The following TRPC7 variants were observed in gnomAD, a reference collection of about 807,000 sequenced individuals.
TRPC7 encodes short transient receptor potential channel 7.
In TRPC7, 42 loss-of-function variants were observed where a neutral mutation model predicts 90.1. The observed-to-expected ratio is 0.47, with a 90% CI of 0.36 to 0.60. The LOEUF (loss-of-function observed/expected upper bound fraction) is 0.60. TRPC7 is among the 20% of genes least tolerant of loss of function. TRPC7 has a pLI of 0.00. For missense variants in TRPC7, 955 were observed against 1,112.3 expected (o/e 0.86, Z 2.01); for synonymous variants, 451 against 436.3 (o/e 1.03, Z -0.42).
At chr5:136,238,748 CT>C (rs1310614948) in intron 7 of TRPC7, among the ~76,000 whole-genome samples, 1 of 152,162 alleles carries the variant, frequency 6.6e-6, no homozygotes, top group Non-Finnish European at 1.5e-5. Context: ...TTCCTCAAAA[CT>C]TGGTGGTTCT....
chr5:136,360,183 C>T lies in TRPC7; in HGVS notation c.3-2798G>A, dbSNP rs148548607. On this transcript the variant is annotated intron_variant, in intron 1 of 11. Transcript: ENST00000513104. Reference sequence around the variant, plus strand: ...GCAGAGAAATATTTCACAAGGAACACGTAAGTACTCAATCTAAATTCAGAG... The same window carrying T: ...GCAGAGAAATATTTCACAAGGAACATGTAAGTACTCAATCTAAATTCAGAG... Among the ~76,000 whole-genome samples the T allele has an allele frequency of 1.9e-4, 29 of 152,232 alleles. 1 individual carries two copies. The East Asian group carries it at 4.4e-3, about 23-fold the overall frequency.
At chr5:136,359,637 T>G (rs1485530134) in intron 1 of TRPC7, among the ~76,000 whole-genome samples, 1 of 152,132 alleles carries the variant, frequency 6.6e-6, no homozygotes, top group Non-Finnish European at 1.5e-5. Flanking sequence ...ACAAATAGTG[T>G]GCAGGCACTT....
chr5:136,287,223 T>A (rs1757749578), intron 3 of TRPC7, among the ~76,000 whole-genome samples: 2 of 152,048 alleles, frequency 1.3e-5, no homozygotes, highest in Admixed American at 6.5e-5. Context: ...TCCACCTCTT[T>A]AGGAGGTGGC....
intron 3 of TRPC7, among the ~76,000 whole-genome samples, chr5:136,304,948 G>A (rs1259842635): frequency 6.6e-6 from 1 of 152,208 alleles, no homozygotes; most frequent in African/African-American, 2.4e-5. Context: ...TAGCCCTCAT[G>A]TCTGCGTACA....
At position 136,213,243 on chromosome 5, in the gene TRPC7, T is replaced by C. The variant is rs1465835055; in HGVS notation, c.*192A>G. The stretch of plus-strand genomic sequence containing the variant: ...AGCTTTTCTTACCCAACCACCTAGA[T>C]TCACAGCAGTTCTGGGTCTAGGCAG... On this transcript the variant is annotated 3_prime_UTR_variant, in exon 12 of 12. Coordinates refer to ENST00000513104, the MANE Select transcript of TRPC7 (RefSeq NM_020389.3). 3 of 608,130 alleles carry C rather than the reference T, an allele frequency of 4.9e-6. No homozygotes were observed. In the Admixed American group the frequency reaches 9.3e-5, roughly 19 times the overall value. The allele number at this position is 608,130 out of a possible 1,614,324, so 37.7% of individuals were successfully genotyped here.
At chr5:136,232,380 C>A (rs540678867) in intron 7 of TRPC7, among the ~76,000 whole-genome samples, 4 of 152,202 alleles carry the variant, frequency 2.6e-5, no homozygotes, top group Non-Finnish European at 5.9e-5. Flanking sequence ...AGCCTCATGA[C>A]CAGCTCTGTG....
chr5:136,269,152 A>G (rs1392204115), intron 4 of TRPC7, among the ~76,000 whole-genome samples: 1 of 152,210 alleles, frequency 6.6e-6, no homozygotes, highest in Non-Finnish European at 1.5e-5. Context: ...CCTGGAGTGC[A>G]GAACTGAGAA....
intron 2 of TRPC7, among the ~76,000 whole-genome samples, chr5:136,355,848 A>C (rs1760353218): frequency 6.6e-6 from 1 of 152,174 alleles, no homozygotes; most frequent in Admixed American, 6.5e-5. Context: ...GTGTGAAAAG[A>C]ATTTCATACT....
At chr5:136,265,035 A>G (rs527749533) in intron 5 of TRPC7, among the ~76,000 whole-genome samples, 2 of 152,310 alleles carry the variant, frequency 1.3e-5, no homozygotes, top group East Asian at 3.9e-4. Flanking sequence ...CAGCTTAGGC[A>G]TCCATAGGAT....
chr5:136,231,659 C>T (rs531300661), intron 7 of TRPC7, 110 bp from the exon 8 acceptor site: 22 of 1,025,084 alleles, frequency 2.1e-5, no homozygotes, highest in Non-Finnish European at 2.5e-5. Context: ...GGCTGGAGTG[C>T]AGTGGCTCAA....
At chr5:136,288,504 C>T (rs532000752) in intron 3 of TRPC7, among the ~76,000 whole-genome samples, 13 of 150,902 alleles carry the variant, frequency 8.6e-5, no homozygotes, top group East Asian at 7.9e-4. Context: ...TAACTAGTGC[C>T]GGCTATGGAG....
chr5:136,213,537 T>C lies in TRPC7; in HGVS notation c.2487A>G (p.Gln829=), dbSNP rs762992926. 5.0e-6 allele frequency: 8 copies of C among 1,613,934 alleles called. No homozygotes were observed. Among genetic ancestry groups the C allele is most frequent in the Non-Finnish European group, 6.8e-6 (8 of 1,179,902 alleles). Residue 829 remains glutamine (Q), a synonymous_variant, in exon 12 of 12, where the codon CAA becomes CAG. Transcript: ENST00000513104. ...TCAGGTCTGCCAGCTCACCAGTAGC[T>C]TGAGATTTTTCCTCAAGAAGCTCAT... The part of the protein sequence containing the change: ...LRYELLEEKS[Q]ATGELADLIQ...
intron 5 of TRPC7, among the ~76,000 whole-genome samples, chr5:136,260,095 G>A (rs1253112297): frequency 6.6e-6 from 1 of 152,170 alleles, no homozygotes; most frequent in Non-Finnish European, 1.5e-5. Flanking sequence ...CAACCTACAT[G>A]CCCCATAGGA....
intron 2 of TRPC7, among the ~76,000 whole-genome samples, chr5:136,320,811 C>A (rs1274483341): frequency 6.6e-6 from 1 of 152,182 alleles, no homozygotes; most frequent in East Asian, 1.9e-4. Flanking sequence ...ATGAACAACC[C>A]TTAAGCCTTC....
At chr5:136,291,269 AG>A (rs1164734952) in intron 3 of TRPC7, among the ~76,000 whole-genome samples, 2 of 152,248 alleles carry the variant, frequency 1.3e-5, no homozygotes, top group Non-Finnish European at 2.9e-5. Context: ...TCATAATGAA[AG>A]GATCAAATTC....
At chr5:136,305,397 T>C (rs968909280) in intron 3 of TRPC7, among the ~76,000 whole-genome samples, 6 of 152,054 alleles carry the variant, frequency 3.9e-5, no homozygotes, top group Non-Finnish European at 7.4e-5. Flanking sequence ...TCCTTTCCAT[T>C]GTGGAAATCT....
chr5:136,323,953 T>C (rs536187752), intron 2 of TRPC7, among the ~76,000 whole-genome samples: 1 of 152,302 alleles, frequency 6.6e-6, no homozygotes, highest in African/African-American at 2.4e-5. Context: ...AAAGATAATA[T>C]GTACTTCTCT....
At chr5:136,342,954 T>A (rs960752516) in intron 2 of TRPC7, among the ~76,000 whole-genome samples, 8 of 152,048 alleles carry the variant, frequency 5.3e-5, no homozygotes, top group Non-Finnish European at 1.2e-4. Context: ...AACAGAAACA[T>A]GTATTTGGGA....
chr5:136,329,910 T>C (rs1485674159), intron 2 of TRPC7, among the ~76,000 whole-genome samples: 1 of 152,098 alleles, frequency 6.6e-6, no homozygotes, highest in African/African-American at 2.4e-5. Flanking sequence ...TATATGAACT[T>C]AGTCTTGTCC....
Sources: allele counts gnomAD v4.1 joint callset (sites outside exome capture counted in the v4.1 genomes callset), GRCh38; gene constraint gnomAD v4.1.1; transcripts MANE v1.5; gene names NCBI Gene and HGNC (gene_info 2026-07-23, HGNC 2026-07-21).